Variants in RIC1 observed in about 807,000 individuals in gnomAD.
The protein encoded by RIC1 is RIC1 partner of RAB6A GEF complex.
Under a neutral mutation model 169.0 loss-of-function variants are expected in RIC1, and 88 were observed. That is an observed-to-expected ratio of 0.52 (90% CI 0.44 to 0.62). The LOEUF (loss-of-function observed/expected upper bound fraction) is 0.62. Among genes scored for constraint, RIC1 ranks in the 20% least tolerant of loss-of-function variants. RIC1 has a pLI of 0.00. For synonymous variants in RIC1, 790 were observed against 601.5 expected (o/e 1.31, Z -4.59); for missense variants, 1,877 against 1,725.5 (o/e 1.09, Z -1.56).
chr9:5,735,426 C>T (rs1451663701), intron 7 of RIC1, among the ~76,000 whole-genome samples: 1 of 152,202 alleles, frequency 6.6e-6, no homozygotes, highest in Admixed American at 6.5e-5. Context: ...AAGAAGTACT[C>T]CTCCCTAGGC....
chr9:5,776,770 A>G (rs1339451244), downstream of RIC1, among the ~76,000 whole-genome samples: 1 of 152,078 alleles, frequency 6.6e-6, no homozygotes, highest in Non-Finnish European at 1.5e-5. Flanking sequence ...CATGTCGATG[A>G]CATGGAAAAT....
downstream of RIC1, among the ~76,000 whole-genome samples, chr9:5,778,268 G>A (rs1313303314): frequency 1.3e-5 from 2 of 152,196 alleles, no homozygotes; most frequent in Admixed American, 6.5e-5. Flanking sequence ...ATTGCATCAT[G>A]CAACATCAAA....
intron 1 of RIC1, among the ~76,000 whole-genome samples, chr9:5,637,321 G>A (rs750593413): frequency 4.6e-5 from 7 of 151,758 alleles, no homozygotes; most frequent in Non-Finnish European, 1.0e-4. Flanking sequence ...CATCCACCTC[G>A]GGCTCCCAAA....
intron 2 of RIC1, among the ~76,000 whole-genome samples, chr9:5,662,153 A>C (rs1160736681): frequency 1.3e-5 from 2 of 152,172 alleles, no homozygotes; most frequent in African/African-American, 2.4e-5. Flanking sequence ...GTGTATGTTG[A>C]ACCAGTCTTG....
At chr9:5,720,010 G>T (rs774332694) in intron 4 of RIC1, among the ~76,000 whole-genome samples, 172 bp from the exon 5 acceptor site, 1 of 152,098 alleles carries the variant, frequency 6.6e-6, no homozygotes, top group Non-Finnish European at 1.5e-5. Flanking sequence ...TTTCTTTCAG[G>T]ATTTCTGATT....
At chr9:5,725,686 G>A (rs1420049156) in intron 6 of RIC1, among the ~76,000 whole-genome samples, 1 of 151,974 alleles carries the variant, frequency 6.6e-6, no homozygotes, top group African/African-American at 2.4e-5. Context: ...GCTTTCTGTT[G>A]TGGGCATTTA....
At chr9:5,671,033 T>C (rs952247492) in intron 2 of RIC1, among the ~76,000 whole-genome samples, 2 of 152,078 alleles carry the variant, frequency 1.3e-5, no homozygotes, top group Non-Finnish European at 2.9e-5. Context: ...AAAAGGCCAA[T>C]CTTAGGTTCT....
intron 4 of RIC1, among the ~76,000 whole-genome samples, chr9:5,714,874 ATG>A (rs1352032042): frequency 6.6e-6 from 1 of 152,144 alleles, no homozygotes; most frequent in Non-Finnish European, 1.5e-5. Flanking sequence ...ATATTGAACT[ATG>A]TAAATGTATT....
chr9:5,684,692 T>G (rs1239008934), intron 2 of RIC1, among the ~76,000 whole-genome samples: 1 of 152,136 alleles, frequency 6.6e-6, no homozygotes, highest in African/African-American at 2.4e-5. Flanking sequence ...TCTCCCCAAT[T>G]TATATACCTT....
intron 2 of RIC1, among the ~76,000 whole-genome samples, chr9:5,684,468 A>G (rs1053716750): frequency 6.6e-6 from 1 of 152,006 alleles, no homozygotes; most frequent in East Asian, 1.9e-4. Flanking sequence ...ATCAGTGTAC[A>G]AGTATTTCAT....
chr9:5,693,817 C>A (rs376314539), intron 3 of RIC1, among the ~76,000 whole-genome samples: 1 of 151,858 alleles, frequency 6.6e-6, no homozygotes, highest in African/African-American at 2.4e-5. Context: ...TTGTTGAGAG[C>A]AGAGATTTTT....
Position 5,713,845 on chromosome 9 carries a change from G to A in RIC1, c.333-51G>A, listed in dbSNP as rs1325305686. On this transcript the variant is annotated intron_variant, in intron 3 of 25. Transcript: ENST00000414202. ...TTTGATTGTATGTGTATTAGCCACA[G>A]AATGGAGGCAAATTCAGCATCTTTC... 5.5e-6 allele frequency: 7 copies of A among 1,275,450 alleles called. No individual in the cohort carries two copies. The Admixed American group carries it at 1.0e-4, about 19-fold the overall frequency. 79.0% of individuals were successfully genotyped at this position (1,275,450 alleles called of 1,614,324 possible).
chr9:5,768,822 A>G, intron 21 of RIC1, 148 bp from the exon 22 acceptor site: 1 of 809,204 alleles, frequency 1.2e-6, no homozygotes, highest in Non-Finnish European at 1.9e-6. Context: ...ACGGAGGAGA[A>G]GCGTTGATAC....
At chr9:5,633,229 G>T (rs1481187375) in intron 1 of RIC1, among the ~76,000 whole-genome samples, 4 of 152,140 alleles carry the variant, frequency 2.6e-5, no homozygotes, top group Non-Finnish European at 5.9e-5. Flanking sequence ...TTTGGATCAG[G>T]TATGTGATTA....
chr9:5,716,631 C>G (rs1303892126), intron 4 of RIC1, among the ~76,000 whole-genome samples: 2 of 152,062 alleles, frequency 1.3e-5, no homozygotes, highest in East Asian at 3.9e-4. Context: ...AATTTAAGAA[C>G]CAATACAGCA....
At chr9:5,729,668 GT>G (rs1368789765) in intron 6 of RIC1, among the ~76,000 whole-genome samples, 1 of 152,024 alleles carries the variant, frequency 6.6e-6, no homozygotes, top group Non-Finnish European at 1.5e-5. Flanking sequence ...AGGAATTTAA[GT>G]TTTTAATGGC....
At position 5,758,995 on chromosome 9, in the gene RIC1, G is replaced by A. The variant is rs59769611; in HGVS notation, c.1992+1544G>A. On this transcript the variant is annotated intron_variant, in intron 17 of 25. Transcript: ENST00000414202. ...CTTGACCTCATGATCTGCCCACCTC[G>A]GCCTCCCAAAGTGCTGGGATTAAGG... 2.4e-3 allele frequency among the ~76,000 whole-genome samples: 367 copies of A among 151,726 alleles called. 4 individuals carry two copies. Among genetic ancestry groups the A allele is most frequent in the African/African-American group, 8.4e-3 (346 of 41,398 alleles).
chr9:5,745,215 A>C (rs1327969405), intron 10 of RIC1, among the ~76,000 whole-genome samples: 8 of 152,158 alleles, frequency 5.3e-5, no homozygotes, highest in Non-Finnish European at 8.8e-5. Flanking sequence ...TCATAGGAAA[A>C]CATAAAAGTT....
chr9:5,632,786 A>G (rs1227832810), intron 1 of RIC1, among the ~76,000 whole-genome samples: 1 of 152,186 alleles, frequency 6.6e-6, no homozygotes, highest in Non-Finnish European at 1.5e-5. Flanking sequence ...TTTGTACTGT[A>G]CTGAGGGCCC....
Sources: gnomAD v4.1 joint callset for allele counts (sites outside exome capture counted in the v4.1 genomes callset) on GRCh38, gnomAD v4.1.1 for gene constraint, MANE v1.5 for transcripts, NCBI Gene and HGNC (gene_info 2026-07-23, HGNC 2026-07-21) for gene names.